Variants in SDHAF4 observed in about 807,000 individuals in gnomAD.
SDHAF4 encodes succinate dehydrogenase assembly factor 4, mitochondrial.
SDHAF4 carries 14 observed loss-of-function variants against 14.3 expected under a neutral mutation model. The observed-to-expected ratio is 0.98, with a 90% confidence interval of 0.65 to 1.53. The LOEUF (loss-of-function observed/expected upper bound fraction) is 1.53. SDHAF4 is among the 40% of genes most tolerant of loss of function. The pLI is 0.00. For synonymous variants in SDHAF4, 63 were observed against 47.3 expected, an observed-to-expected ratio of 1.33 and a Z score of -1.36; for missense variants, 141 against 129.3, an observed-to-expected ratio of 1.09 and a Z score of -0.44.
chr6:70,584,233 T>C (rs1765173016), intron 2 of SDHAF4, among the ~76,000 whole-genome samples: 1 of 152,170 alleles, frequency 6.6e-6, no homozygotes, highest in Non-Finnish European at 1.5e-5. Flanking sequence ...GCCAGGCTGG[T>C]CTCGAACTGC....
intron 2 of SDHAF4, among the ~76,000 whole-genome samples, chr6:70,585,292 C>A (rs1428389107): frequency 6.6e-6 from 1 of 152,146 alleles, no homozygotes; most frequent in Non-Finnish European, 1.5e-5. Flanking sequence ...CACTGAACTG[C>A]GTACTTAAAA....
At chr6:70,570,393 G>A (rs960131668) in intron 1 of SDHAF4, among the ~76,000 whole-genome samples, 4 of 152,002 alleles carry the variant, frequency 2.6e-5, no homozygotes, top group African/African-American at 9.7e-5. Context: ...CGCAATCTCT[G>A]CTCACTGCAA....
chr6:70,580,299 T>A (rs957829669), intron 2 of SDHAF4, among the ~76,000 whole-genome samples: 2 of 152,112 alleles, frequency 1.3e-5, no homozygotes, highest in Non-Finnish European at 2.9e-5. Flanking sequence ...CCCACTAGGA[T>A]GGCTATAATA....
chr6:70,596,185 C>T, the SDHAF4 span, among the ~76,000 whole-genome samples: 1 of 152,146 alleles, frequency 6.6e-6, no homozygotes, highest in Non-Finnish European at 1.5e-5. Context: ...ATGCATCACC[C>T]AGATCTCCTC....
chr6:70,586,948 C>T (rs1368635482), intron 2 of SDHAF4, among the ~76,000 whole-genome samples: 1 of 151,624 alleles, frequency 6.6e-6, no homozygotes, highest in African/African-American at 2.4e-5. Flanking sequence ...GCGGGTGGAT[C>T]ACCTGAGGTC....
At chr6:70,573,266 T>C (rs1802208284) in intron 1 of SDHAF4, among the ~76,000 whole-genome samples, 1 of 137,388 alleles carries the variant, frequency 7.3e-6, no homozygotes, top group Non-Finnish European at 1.5e-5. Flanking sequence ...TATTTGGCCT[T>C]TTTTTTTTTT....
rs1765235156 is a variant in SDHAF4 at position 70,589,065 on chromosome 6, A to G, written c.*341A>G. 6.5e-6 allele frequency: 1 copy of G among 154,024 alleles called. No individual in the cohort carries two copies. The highest frequency in any genetic ancestry group is 6.5e-5 in the Admixed American group (1 of 15,368). The allele number at this position is 154,024 out of a possible 1,614,324, so 9.5% of individuals were successfully genotyped here. Reference sequence around the variant, plus strand: ...CGGTGAGCTGAGGTCGCGCCATTGCACTCCAGCCTGGGCAACAAGAGCGAA... The same window carrying G: ...CGGTGAGCTGAGGTCGCGCCATTGCGCTCCAGCCTGGGCAACAAGAGCGAA... On this transcript the variant is annotated 3_prime_UTR_variant, in exon 3 of 3. Transcript: ENST00000370474.
intron 1 of SDHAF4, among the ~76,000 whole-genome samples, chr6:70,568,962 C>CTTTTTTTTTTTTTTTTTTTTTTTTTTTT (rs5877254): frequency 1.1e-4 from 11 of 97,998 alleles, no homozygotes; most frequent in African/African-American, 4.2e-4. Context: ...TTTCTTTTTT[C>CTTTTTTTTTTTTTTTTTTTTTTTTTTTT]TTTTTTTTTT....
intron 2 of SDHAF4, among the ~76,000 whole-genome samples, chr6:70,587,697 A>G (rs972126884): frequency 1.3e-5 from 2 of 152,174 alleles, no homozygotes; most frequent in Non-Finnish European, 1.5e-5. Context: ...TTCTTCATCT[A>G]TAAAGTTGGA....
At chr6:70,587,703 T>C (rs1765219976) in intron 2 of SDHAF4, among the ~76,000 whole-genome samples, 1 of 152,192 alleles carries the variant, frequency 6.6e-6, no homozygotes, top group Non-Finnish European at 1.5e-5. Flanking sequence ...ATCTATAAAG[T>C]TGGAACAATA....
chr6:70,575,480 CA>C (rs57160716), intron 1 of SDHAF4, among the ~76,000 whole-genome samples: 16,880 of 113,210 alleles, frequency 0.15, 2,699 homozygotes, highest in African/African-American at 0.41. Context: ...TGTCTCTGTT[CA>C]AAAAAAAAAA....
chr6:70,588,287 G>A (rs938355981), intron 2 of SDHAF4, among the ~76,000 whole-genome samples: 6 of 152,184 alleles, frequency 3.9e-5, no homozygotes, highest in Non-Finnish European at 8.8e-5. Context: ...TTGGGAGGCC[G>A]AGGCAGGCAG....
intron 2 of SDHAF4, among the ~76,000 whole-genome samples, chr6:70,580,264 C>T (rs1399659496): frequency 6.6e-6 from 1 of 151,976 alleles, no homozygotes; most frequent in Non-Finnish European, 1.5e-5. Flanking sequence ...AAATGCAAAT[C>T]AAAACTATGA....
rs1765223837 is a variant in SDHAF4 at position 70,588,056 on chromosome 6, G to A, written c.218-559G>A. Among the ~76,000 whole-genome samples, 3 of 152,214 alleles carry A rather than the reference G, an allele frequency of 2.0e-5. No homozygotes were observed. In the South Asian group the frequency reaches 6.2e-4, roughly 32 times the overall value. On this transcript the variant is annotated intron_variant, in intron 2 of 2. Coordinates refer to ENST00000370474, the MANE Select transcript of SDHAF4 (RefSeq NM_145267.3). The stretch of plus-strand genomic sequence containing the variant: ...ACTGGTCAGAAAACTGTGGCATTAA[G>A]TCAAAGTGACTCCTTCAAAGTAATC...
intron 1 of SDHAF4, among the ~76,000 whole-genome samples, chr6:70,573,876 T>G (rs1211780975): frequency 6.6e-6 from 1 of 151,486 alleles, no homozygotes; most frequent in Non-Finnish European, 1.5e-5. Context: ...GGGTTCCACC[T>G]TATTGGCTAG....
In SDHAF4 at chr6:70,588,763, T is replaced by G. The variant is rs1765231378; in HGVS notation, c.*39T>G. ...TAACTTCAATATTGTTTTCTGAATA[T>G]GTACATCTGAATTAACTTATTTCTG... On this transcript the variant is annotated 3_prime_UTR_variant, in exon 3 of 3. Coordinates refer to ENST00000370474, the MANE Select transcript of SDHAF4 (RefSeq NM_145267.3). 2.6e-6 allele frequency: 3 copies of G among 1,163,438 alleles called. No homozygotes were observed. Among genetic ancestry groups the G allele is most frequent in the Non-Finnish European group, 3.8e-6 (3 of 787,368 alleles). The allele number at this position is 1,163,438 out of a possible 1,614,324, so 72.1% of individuals were successfully genotyped here.
downstream of SDHAF4, among the ~76,000 whole-genome samples, chr6:70,590,766 T>C (rs769551292): frequency 1.3e-5 from 2 of 152,158 alleles, no homozygotes; most frequent in Non-Finnish European, 2.9e-5. Context: ...ATAACATGTA[T>C]TAGTCAGGGC....
intron 1 of SDHAF4, among the ~76,000 whole-genome samples, chr6:70,571,382 A>G (rs994281480): frequency 9.2e-5 from 14 of 152,100 alleles, no homozygotes; most frequent in East Asian, 1.9e-4. Context: ...ATTTTCTTCT[A>G]TTATACACTG....
downstream of SDHAF4, among the ~76,000 whole-genome samples, chr6:70,591,869 A>G (rs75775674): frequency 1.6e-3 from 240 of 152,308 alleles, 10 homozygotes; most frequent in East Asian, 0.043. Flanking sequence ...GACCTTTAAG[A>G]GGTGATTGGC....
Sources: gnomAD v4.1 joint callset for allele counts (sites outside exome capture counted in the v4.1 genomes callset) on GRCh38, gnomAD v4.1.1 for gene constraint, MANE v1.5 for transcripts, NCBI Gene and HGNC (gene_info 2026-07-23, HGNC 2026-07-21) for gene names.